FUT9: variants seen among roughly 807,000 people sequenced by gnomAD.
FUT9 encodes fucosyltransferase 9, also known as 4-galactosyl-N-acetylglucosaminide 3-alpha-L-fucosyltransferase 9.
Under a neutral mutation model 29.7 loss-of-function variants are expected in FUT9, and 15 were observed. That is an observed-to-expected ratio of 0.51 (90% confidence interval 0.34 to 0.78). FUT9 has a LOEUF of 0.78. Among genes scored for constraint, FUT9 ranks in the 30% least tolerant of loss-of-function variants. The pLI is 0.01. For synonymous variants in FUT9, 169 were observed against 153.7 expected (o/e 1.10, Z -0.74); for missense variants, 319 against 425.4 (o/e 0.75, Z 2.20).
At chr6:96,159,443 A>C (rs182665225) in intron 2 of FUT9, among the ~76,000 whole-genome samples, 4 of 152,164 alleles carry the variant, frequency 2.6e-5, no homozygotes, top group Admixed American at 6.6e-5. Flanking sequence ...AGAAATTAGA[A>C]CATAAATTAT....
At chr6:96,148,903 C>T (rs991529521) in intron 2 of FUT9, among the ~76,000 whole-genome samples, 1 of 152,072 alleles carries the variant, frequency 6.6e-6, no homozygotes, top group African/African-American at 2.4e-5. Context: ...ATTTGCAATC[C>T]CAGCACTTTG....
chr6:96,050,759 C>G (rs1770652584), intron 1 of FUT9, among the ~76,000 whole-genome samples: 1 of 152,146 alleles, frequency 6.6e-6, no homozygotes, highest in African/African-American at 2.4e-5. Context: ...AAGATTACCT[C>G]AGAGTCTTTT....
At chr6:96,113,967 G>T (rs1771864518) in intron 1 of FUT9, 72 bp from the exon 2 acceptor site, 1 of 150,974 alleles carries the variant, frequency 6.6e-6, no homozygotes, top group African/African-American at 2.5e-5. Context: ...ATTTCTTTTG[G>T]TTATCTAGCT....
chr6:96,029,504 C>A (rs1582179957), intron 1 of FUT9, among the ~76,000 whole-genome samples: 1 of 151,588 alleles, frequency 6.6e-6, no homozygotes. Context: ...AATGTGAAGT[C>A]TTTGGCATCC....
intron 1 of FUT9, among the ~76,000 whole-genome samples, chr6:96,071,029 A>G (rs1020942992): frequency 6.6e-6 from 1 of 152,226 alleles, no homozygotes; most frequent in Non-Finnish European, 1.5e-5. Flanking sequence ...TCTCAAAATG[A>G]GTTGATGAAA....
intron 2 of FUT9, among the ~76,000 whole-genome samples, chr6:96,146,235 AG>A (rs1772564927): frequency 6.6e-6 from 1 of 152,180 alleles, no homozygotes; most frequent in South Asian, 2.1e-4. Flanking sequence ...TCTCAACTGC[AG>A]GGGCTACTCT....
intron 1 of FUT9, among the ~76,000 whole-genome samples, chr6:96,083,824 C>A (rs563870029): frequency 2.2e-4 from 34 of 152,210 alleles, no homozygotes; most frequent in African/African-American, 7.9e-4. Flanking sequence ...AATAGCATTT[C>A]TCTTATTTAA....
At chr6:96,161,651 A>T (rs557614555) in intron 2 of FUT9, among the ~76,000 whole-genome samples, 1 of 152,302 alleles carries the variant, frequency 6.6e-6, no homozygotes, top group Non-Finnish European at 1.5e-5. Flanking sequence ...TACTTACGGG[A>T]TCTAAAATAC....
Position 96,203,294 on chromosome 6 carries a change from G to T in FUT9, c.139G>T (p.Val47Leu). Residue 47 changes from valine (V) to leucine (L), a missense_variant, in exon 3 of 3, where the codon GTG (valine) becomes TTG (leucine). Coordinates refer to ENST00000302103, the MANE Select transcript of FUT9 (RefSeq NM_006581.4). ...IFSPMESASS[V>L]LKMKNFFSTK... The stretch of plus-strand genomic sequence containing the variant: ...CAGTCCAATGGAATCAGCCAGCTCT[G>T]TGCTGAAAATGAAAAACTTCTTTTC... The T allele has an allele frequency of 6.2e-7, 1 of 1,613,900 alleles. No homozygotes were observed. The highest frequency in any genetic ancestry group is 2.2e-5 in the East Asian group (1 of 44,854).
intron 1 of FUT9, among the ~76,000 whole-genome samples, chr6:96,088,128 A>C (rs184576610): frequency 6.6e-6 from 1 of 152,148 alleles, no homozygotes. Flanking sequence ...GCTTTGAGAA[A>C]TATCTAATGT....
intron 2 of FUT9, among the ~76,000 whole-genome samples, chr6:96,164,189 A>G (rs1457110715): frequency 2.0e-5 from 3 of 151,992 alleles, no homozygotes; most frequent in East Asian, 1.9e-4. Flanking sequence ...GAGTTTCTCT[A>G]AAGACCTGGA....
intron 1 of FUT9, among the ~76,000 whole-genome samples, chr6:96,018,404 A>G (rs1207587494): frequency 6.6e-6 from 1 of 152,172 alleles, no homozygotes; most frequent in African/African-American, 2.4e-5. Flanking sequence ...ATGAGAATCC[A>G]AATAACTAGT....
At chr6:96,102,829 C>G (rs1283511462) in intron 1 of FUT9, among the ~76,000 whole-genome samples, 4 of 152,132 alleles carry the variant, frequency 2.6e-5, no homozygotes, top group Admixed American at 2.0e-4. Context: ...AAACATCTTC[C>G]CATTATACCA....
chr6:96,036,545 A>G (rs1770368176), intron 1 of FUT9: 1 of 151,886 alleles, frequency 6.6e-6, no homozygotes, highest in South Asian at 2.1e-4. Context: ...TTTTGTCAGT[A>G]GGGCCTTTAG....
intron 1 of FUT9, among the ~76,000 whole-genome samples, chr6:96,072,925 G>A (rs753443006): frequency 7.2e-5 from 11 of 152,158 alleles, no homozygotes; most frequent in Non-Finnish European, 1.6e-4. Flanking sequence ...GCATATGTCA[G>A]AGCCAGCATA....
At chr6:96,099,378 T>G (rs1264744631) in intron 1 of FUT9, among the ~76,000 whole-genome samples, 2 of 152,194 alleles carry the variant, frequency 1.3e-5, no homozygotes, top group Non-Finnish European at 2.9e-5. Flanking sequence ...TTATTTCTGT[T>G]TTCCTCCTTT....
At chr6:96,133,638 A>G (rs1772293021) in intron 2 of FUT9, among the ~76,000 whole-genome samples, 1 of 151,964 alleles carries the variant, frequency 6.6e-6, no homozygotes, top group South Asian at 2.1e-4. Context: ...TAATTCATAC[A>G]TTGAACTTAC....
At chr6:96,068,903 A>T (rs532324350) in intron 1 of FUT9, among the ~76,000 whole-genome samples, 1 of 152,354 alleles carries the variant, frequency 6.6e-6, no homozygotes, top group South Asian at 2.1e-4. Context: ...GTGAAGTCAG[A>T]TAAACTGTCT....
chr6:96,073,172 C>T (rs746976282), intron 1 of FUT9, among the ~76,000 whole-genome samples: 77 of 152,236 alleles, frequency 5.1e-4, no homozygotes, highest in Non-Finnish European at 8.7e-4. Context: ...AAACATTGGC[C>T]AGGTGTGGTG....
Sources: allele counts gnomAD v4.1 joint callset (sites outside exome capture counted in the v4.1 genomes callset), GRCh38; gene constraint gnomAD v4.1.1; transcripts MANE v1.5; gene names NCBI Gene and HGNC (gene_info 2026-07-23, HGNC 2026-07-21).